OCA2: variants seen among roughly 807,000 people sequenced by gnomAD.
OCA2 encodes the protein P protein.
In OCA2, 77 loss-of-function variants were observed where a neutral mutation model predicts 100.2. The ratio of observed to expected loss-of-function variants is 0.77; its 90% CI spans 0.64 to 0.93. The LOEUF (loss-of-function observed/expected upper bound fraction) is 0.93, where lower values mean the gene tolerates loss of function less well. OCA2 is among the 40% of genes least tolerant of loss of function. OCA2 has a pLI of 0.00. For synonymous variants in OCA2, 432 were observed against 439.2 expected, an observed-to-expected ratio of 0.98 and a Z score of 0.21; for missense variants, 1,062 against 1,089.1, an observed-to-expected ratio of 0.98 and a Z score of 0.35.
intron 23 of OCA2, among the ~76,000 whole-genome samples, chr15:27,793,354 C>T (rs1260740458): frequency 4.0e-5 from 6 of 151,484 alleles, no homozygotes; most frequent in Non-Finnish European, 7.4e-5. Context: ...TATACTCTTC[C>T]GGGATTTTTA....
chr15:27,766,332 A>G (rs143134042), intron 23 of OCA2, among the ~76,000 whole-genome samples: 6 of 152,204 alleles, frequency 3.9e-5, no homozygotes, highest in African/African-American at 1.2e-4. Flanking sequence ...GCACTGAAGC[A>G]TGCCCTGAGA....
At chr15:27,937,152 A>T (rs2039485345) in intron 18 of OCA2, among the ~76,000 whole-genome samples, 1 of 152,134 alleles carries the variant, frequency 6.6e-6, no homozygotes, top group South Asian at 2.1e-4. Flanking sequence ...CCTGTTTCTG[A>T]GTTCTTCATA....
At chr15:27,926,358 T>C (rs1158628297) in intron 18 of OCA2, 104 bp from the exon 19 acceptor site, 5 of 1,234,702 alleles carry the variant, frequency 4.0e-6, no homozygotes, top group Admixed American at 3.5e-5. Flanking sequence ...ATAATTGTCA[T>C]ACTACAAACC....
intron 21 of OCA2, among the ~76,000 whole-genome samples, chr15:27,864,474 A>C (rs1333047901): frequency 1.3e-5 from 2 of 152,122 alleles, no homozygotes; most frequent in African/African-American, 4.8e-5. Context: ...AATGTTTTTG[A>C]CTCTCACATC....
chr15:27,927,784 CTTTTTTTT>C (rs34037519), intron 18 of OCA2, among the ~76,000 whole-genome samples: 3 of 69,336 alleles, frequency 4.3e-5, no homozygotes, highest in Non-Finnish European at 7.5e-5. Flanking sequence ...CTTTGAGCAT[CTTTTTTTT>C]TTTTTTTTTT....
Position 27,920,138 on chromosome 15 carries a change from C to T in OCA2, c.2079+5989G>A, listed in dbSNP as rs1344272996. ...TTACATAAACTGTAAATGGAATAGA[C>T]ATACCAATTAAAGGGCAGATATGGG... On this transcript the variant is annotated intron_variant, in intron 19 of 23. Transcript: ENST00000354638. Among the ~76,000 whole-genome samples, 5 of 152,030 alleles carry T rather than the reference C, an allele frequency of 3.3e-5. 1 individual carries two copies. Among genetic ancestry groups the T allele is most frequent in the Admixed American group, 2.6e-4 (4 of 15,250 alleles).
At chr15:28,067,217 T>A (rs1393183193) in intron 2 of OCA2, among the ~76,000 whole-genome samples, 1 of 152,232 alleles carries the variant, frequency 6.6e-6, no homozygotes. Context: ...ATAGACTCAA[T>A]GCCATTCCAA....
chr15:28,041,734 G>A (rs1275027412), intron 2 of OCA2, among the ~76,000 whole-genome samples: 1 of 152,052 alleles, frequency 6.6e-6, no homozygotes, highest in Admixed American at 6.5e-5. Flanking sequence ...ACACAATAGT[G>A]GAAATAAATG....
chr15:28,073,916 C>T (rs1222484439), intron 2 of OCA2, among the ~76,000 whole-genome samples: 4 of 151,692 alleles, frequency 2.6e-5, no homozygotes, highest in African/African-American at 7.3e-5. Context: ...GATTTCTGTA[C>T]GGAATCTGAG....
At chr15:28,080,853 T>A (rs1291629815) in intron 2 of OCA2, among the ~76,000 whole-genome samples, 2 of 152,370 alleles carry the variant, frequency 1.3e-5, no homozygotes, top group Non-Finnish European at 2.9e-5. Context: ...AGTATAAGCA[T>A]TGACATGTAA....
chr15:27,957,787 C>A lies in OCA2; in HGVS notation c.1637-52G>T. 1 of 1,601,896 alleles carries A rather than the reference C, an allele frequency of 6.2e-7. No homozygotes were observed. The highest frequency in any genetic ancestry group is 8.5e-7 in the Non-Finnish European group (1 of 1,171,006). ...GGTCTCCCATGACCTCAGATATCAG[C>A]AACACCCTCCTCTGTTCCCCACACA... On this transcript the variant is annotated intron_variant, in intron 15 of 23. Coordinates refer to ENST00000354638, the MANE Select transcript of OCA2 (RefSeq NM_000275.3). The surrounding 1 kb of genome is among the most constrained non-coding windows in gnomAD (Gnocchi z 4.3).
At chr15:27,905,687 C>T (rs1232012758) in intron 19 of OCA2, among the ~76,000 whole-genome samples, 4 of 152,252 alleles carry the variant, frequency 2.6e-5, no homozygotes, top group Admixed American at 6.5e-5. Flanking sequence ...AGTCGGAGGA[C>T]TGTGCTCTGC....
chr15:27,947,606 G>A (rs757865283), intron 18 of OCA2, among the ~76,000 whole-genome samples: 10 of 152,324 alleles, frequency 6.6e-5, no homozygotes, highest in Middle Eastern at 3.4e-3. Context: ...CTGCGGGTGC[G>A]GTCGCATGGC....
chr15:27,990,530 C>T, intron 10 of OCA2, 46 bp downstream of exon 10: 6 of 1,561,218 alleles, frequency 3.8e-6, no homozygotes, highest in Non-Finnish European at 4.4e-6. Flanking sequence ...TTTGAGCTGA[C>T]ATCCCACTGA....
chr15:27,994,553 G>T (rs903030757), intron 9 of OCA2, among the ~76,000 whole-genome samples: 4 of 152,152 alleles, frequency 2.6e-5, no homozygotes, highest in African/African-American at 9.7e-5. Context: ...TTCTATCACT[G>T]CACTCCTCTC....
intron 9 of OCA2, among the ~76,000 whole-genome samples, chr15:27,993,517 T>C (rs2041623743): frequency 6.6e-6 from 1 of 152,142 alleles, no homozygotes; most frequent in South Asian, 2.1e-4. Context: ...GTGGACATCA[T>C]GAAATCATGA....
intron 2 of OCA2, among the ~76,000 whole-genome samples, chr15:28,053,503 C>T (rs1284356232): frequency 6.6e-6 from 1 of 152,184 alleles, no homozygotes; most frequent in Non-Finnish European, 1.5e-5. Context: ...TTTCTCAAGG[C>T]ATCACCCACA....
intron 23 of OCA2, among the ~76,000 whole-genome samples, chr15:27,781,173 C>T (rs1248554318): frequency 6.6e-6 from 1 of 152,190 alleles, no homozygotes; most frequent in African/African-American, 2.4e-5. Context: ...TCAGTCACCC[C>T]ACTTGTACTC....
rs58904895 is a variant in OCA2, at chr15:27,769,862, A to ACCTCGGCCTGTGTGCAGCG, written c.2433-14409_2433-14391dup. On this transcript the variant is annotated intron_variant, in intron 23 of 23. Transcript: ENST00000354638. ...CCCCTTGAGGCCTGCCCTCCCCAGC[A>ACCTCGGCCTGTGTGCAGCG]CCTCGGCCTGTGTGCAGCGCCTCGG... Among the ~76,000 whole-genome samples, 561 of 151,524 alleles carry ACCTCGGCCTGTGTGCAGCG rather than the reference A, an allele frequency of 3.7e-3. 15 individuals are homozygous for ACCTCGGCCTGTGTGCAGCG. The East Asian group carries it at 0.05, about 14-fold the overall frequency.
Sources: allele counts gnomAD v4.1 joint callset (sites outside exome capture counted in the v4.1 genomes callset), GRCh38; gene constraint gnomAD v4.1.1; non-coding constraint Gnocchi (gnomAD v3.1); transcripts MANE v1.5; gene names NCBI Gene and HGNC (gene_info 2026-07-23, HGNC 2026-07-21).